Variants in HECW2 observed in about 807,000 individuals in gnomAD.
The protein encoded by HECW2 is HECT, C2 and WW domain containing E3 ubiquitin protein ligase 2.
Under a neutral mutation model 175.2 loss-of-function variants are expected in HECW2, and 61 were observed. That is an observed-to-expected ratio of 0.35 (90% CI 0.28 to 0.43). HECW2 has a LOEUF of 0.43. Ranked by LOEUF, HECW2 falls within the 20% of genes least tolerant of loss-of-function variation. HECW2 has a pLI of 1.00. For synonymous variants in HECW2, 671 were observed against 731.0 expected (o/e 0.92, Z 1.32); for missense variants, 1,524 against 2,000.5 (o/e 0.76, Z 4.54).
chr2:196,482,090 A>G (rs893012074), intron 1 of HECW2, among the ~76,000 whole-genome samples: 1 of 152,182 alleles, frequency 6.6e-6, no homozygotes, highest in Admixed American at 6.5e-5. Flanking sequence ...CCAAAGTATA[A>G]ATTTTTTCCT....
intron 2 of HECW2, among the ~76,000 whole-genome samples, chr2:196,345,045 A>G (rs1434275085): frequency 6.6e-6 from 1 of 152,214 alleles, no homozygotes; most frequent in African/African-American, 2.4e-5. Flanking sequence ...ATTTGCATTG[A>G]GCACATTATA....
chr2:196,458,192 C>T (rs1281817307), intron 1 of HECW2, among the ~76,000 whole-genome samples: 1 of 152,088 alleles, frequency 6.6e-6, no homozygotes, highest in Non-Finnish European at 1.5e-5. Flanking sequence ...ATCACTTGAG[C>T]CCAGGAGGTC....
At chr2:196,225,933 G>A in intron 22 of HECW2, 63 bp from the exon 23 acceptor site, 2 of 1,017,690 alleles carry the variant, frequency 2.0e-6, no homozygotes, top group South Asian at 1.3e-5. Flanking sequence ...GGTTCCATAT[G>A]CTTTCTAGAA....
intron 13 of HECW2, among the ~76,000 whole-genome samples, chr2:196,297,197 T>C (rs1690848735): frequency 6.6e-6 from 1 of 152,196 alleles, no homozygotes; most frequent in Non-Finnish European, 1.5e-5. Flanking sequence ...AAACAACACT[T>C]TGTTTTCCTT....
chr2:196,274,313 G>T (rs1213635739), intron 15 of HECW2, among the ~76,000 whole-genome samples, 190 bp from the exon 16 acceptor site: 1 of 152,156 alleles, frequency 6.6e-6, no homozygotes, highest in African/African-American at 2.4e-5. Context: ...GCTAAATGGT[G>T]GGGGGAGTTG....
Position 196,220,895 on chromosome 2 carries a change from G to A in HECW2, c.4193C>T (p.Thr1398Ile). 1 of 1,614,026 alleles carries A rather than the reference G, an allele frequency of 6.2e-7. No homozygotes were observed. Among genetic ancestry groups the A allele is most frequent in the Non-Finnish European group, 8.5e-7 (1 of 1,179,948 alleles). ...LKPGGANIPV[T>I]EKNKKEYIER... Reference sequence around the variant, plus strand: ...GATGTACTCCTTCTTGTTCTTCTCTGTAACTGGGATATTGGCACCCCCTGG... The same window carrying A: ...GATGTACTCCTTCTTGTTCTTCTCTATAACTGGGATATTGGCACCCCCTGG... Residue 1398 changes from threonine (T) to isoleucine (I), a missense_variant, in exon 25 of 29, where the codon ACA (threonine) becomes ATA (isoleucine). Physicochemically the swap from Thr to Ile is moderately conservative, Grantham distance 89. Transcript: ENST00000644978.
At chr2:196,494,519 G>T (rs188312091) in intron 1 of HECW2, among the ~76,000 whole-genome samples, 1 of 152,280 alleles carries the variant, frequency 6.6e-6, no homozygotes, top group East Asian at 1.9e-4. Context: ...AGTTACAGAA[G>T]GGAGAAGTTT....
rs540293687 is a variant in HECW2 at position 196,454,038 on chromosome 2, A to T, written c.-35-20580T>A. ...TTGTTTGTTTGTTTTTGAGACAGAGACTCACTCTGTTGCCCAGGCTGGAGT... is the reference window on the plus strand; with the variant it reads ...TTGTTTGTTTGTTTTTGAGACAGAGTCTCACTCTGTTGCCCAGGCTGGAGT... On this transcript the variant is annotated intron_variant, in intron 1 of 28. Transcript: ENST00000644978. 2.0e-5 allele frequency among the ~76,000 whole-genome samples: 3 copies of T among 152,062 alleles called. No individual in the cohort carries two copies. In the South Asian group the frequency reaches 6.2e-4, roughly 32 times the overall value.
At chr2:196,523,898 C>T (rs149216133) in intron 1 of HECW2, among the ~76,000 whole-genome samples, 51,934 of 151,854 alleles carry the variant, frequency 0.34, 12,132 homozygotes, top group African/African-American at 0.67. Flanking sequence ...TTGAGGATTT[C>T]TGCATGAATG....
intron 1 of HECW2, among the ~76,000 whole-genome samples, chr2:196,544,512 T>C (rs374063989): frequency 4.6e-5 from 7 of 152,308 alleles, no homozygotes; most frequent in African/African-American, 1.7e-4. Flanking sequence ...TGGGGGGCAC[T>C]GGAAGGTCTC....
chr2:196,426,637 A>G (rs1335278743), intron 2 of HECW2, among the ~76,000 whole-genome samples: 8 of 152,112 alleles, frequency 5.3e-5, no homozygotes, highest in Non-Finnish European at 1.2e-4. Context: ...AACTGCAAAA[A>G]ATCAAGAAGG....
chr2:196,464,181 A>G (rs993351983), intron 1 of HECW2, among the ~76,000 whole-genome samples: 2 of 152,136 alleles, frequency 1.3e-5, no homozygotes, highest in African/African-American at 4.8e-5. Context: ...AATGGCACCT[A>G]AGAAAGCATA....
At chr2:196,232,596 C>T (rs1688098387) in intron 21 of HECW2, among the ~76,000 whole-genome samples, 1 of 152,166 alleles carries the variant, frequency 6.6e-6, no homozygotes. Context: ...ACAGGTTATA[C>T]CAATCCCTGA....
intron 1 of HECW2, among the ~76,000 whole-genome samples, chr2:196,549,951 G>C (rs1223594167): frequency 6.6e-6 from 1 of 152,228 alleles, no homozygotes; most frequent in Non-Finnish European, 1.5e-5. Context: ...TGATTCAGTG[G>C]TTGAAGGAGA....
intron 3 of HECW2, among the ~76,000 whole-genome samples, chr2:196,334,984 G>A (rs1692499193): frequency 6.6e-6 from 1 of 152,188 alleles, no homozygotes; most frequent in Non-Finnish European, 1.5e-5. Flanking sequence ...TGATTCCAAA[G>A]CCTTCACTCA....
intron 1 of HECW2, among the ~76,000 whole-genome samples, chr2:196,499,719 C>T (rs377247731): frequency 9.9e-5 from 15 of 152,108 alleles, no homozygotes; most frequent in Admixed American, 2.6e-4. Context: ...TGCATTAAAA[C>T]GCATGCATTT....
chr2:196,589,289 C>A (rs1575704561), intron 1 of HECW2, among the ~76,000 whole-genome samples: 1 of 152,236 alleles, frequency 6.6e-6, no homozygotes, highest in East Asian at 1.9e-4. Context: ...GGAAAGGTGA[C>A]AGCCATAATT....
Position 196,228,082 on chromosome 2 carries a change from GT to G in HECW2, c.3917+19del. 6.6e-7 allele frequency: 1 copy of G among 1,508,808 alleles called. No individual in the cohort carries two copies. Among genetic ancestry groups the G allele is most frequent in the Non-Finnish European group, 8.9e-7 (1 of 1,126,054 alleles). 93.5% of individuals were successfully genotyped at this position (1,508,808 alleles called of 1,614,324 possible). A position where few individuals can be genotyped will look rare whatever the true frequency, so the allele number is the denominator to read the frequency against. On this transcript the variant is annotated intron_variant, in intron 22 of 28. Transcript: ENST00000644978. ...CATAGGAAATCGCCTGAAGAAAAGT[GT>G]TGGGGAAAAAATACTTACCATTCAT...
chr2:196,434,858 T>C (rs1294240204), intron 1 of HECW2, among the ~76,000 whole-genome samples: 2 of 152,194 alleles, frequency 1.3e-5, no homozygotes, highest in East Asian at 1.9e-4. Flanking sequence ...TGCATGAGTT[T>C]TCATTTAAAA....
Sources: gnomAD v4.1 joint callset for allele counts (sites outside exome capture counted in the v4.1 genomes callset) on GRCh38, gnomAD v4.1.1 for gene constraint, MANE v1.5 for transcripts, NCBI Gene and HGNC (gene_info 2026-07-23, HGNC 2026-07-21) for gene names.